Variants in PTP4A3 observed in about 807,000 individuals in gnomAD.
PTP4A3 encodes protein tyrosine phosphatase 4A3.
Under a neutral mutation model 15.2 loss-of-function variants are expected in PTP4A3, and 9 were observed. The ratio of observed to expected loss-of-function variants is 0.59; its 90% CI spans 0.36 to 1.03. The LOEUF (loss-of-function observed/expected upper bound fraction) is 1.03, where lower values mean the gene tolerates loss of function less well. Ranked by LOEUF, PTP4A3 falls within the 50% of genes least tolerant of loss-of-function variation. The probability of loss-of-function intolerance (pLI) is 0.02; values close to 1 mark genes in which losing one functional copy is unlikely to be tolerated. For missense variants in PTP4A3, 234 were observed against 252.1 expected (o/e 0.93, Z 0.49); for synonymous variants, 95 against 102.0 (o/e 0.93, Z 0.41).
At chr8:141,405,709 A>G (rs1832703702) in intron 1 of PTP4A3, among the ~76,000 whole-genome samples, 1 of 149,878 alleles carries the variant, frequency 6.7e-6, no homozygotes, top group African/African-American at 2.5e-5. Flanking sequence ...AGAGGCTGAC[A>G]AGCTTTGCCA....
chr8:141,404,485 T>G (rs1832678583), intron 1 of PTP4A3, among the ~76,000 whole-genome samples: 2 of 152,256 alleles, frequency 1.3e-5, no homozygotes, highest in Admixed American at 1.3e-4. Flanking sequence ...AGCTCCTGAT[T>G]GCTCTGCCAA....
rs556989009 is a variant in PTP4A3, at chr8:141,397,951, C to T, written c.-854+5867C>T. Among the ~76,000 whole-genome samples, 32 of 152,308 alleles carry T rather than the reference C, an allele frequency of 2.1e-4. 1 individual carries two copies. In the East Asian group the frequency reaches 4.4e-3, roughly 21 times the overall value. ...TCGCTGTGTGTGGCTCAGTCCTGGACGGGCCGAGACCTGGATGCAGGACCC... is the reference window on the plus strand; with the variant it reads ...TCGCTGTGTGTGGCTCAGTCCTGGATGGGCCGAGACCTGGATGCAGGACCC... On this transcript the variant is annotated intron_variant, in intron 1 of 5. Coordinates refer to ENST00000521578, the MANE Select transcript of PTP4A3 (RefSeq NM_032611.3).
At chr8:141,427,885 C>A in intron 5 of PTP4A3, 61 bp downstream of exon 5, 4 of 1,458,468 alleles carry the variant, frequency 2.7e-6, no homozygotes, top group Non-Finnish European at 3.7e-6. Flanking sequence ...TCCGGCTGCC[C>A]ACGAAGGGTG....
chr8:141,400,374 T>C (rs951419481), intron 1 of PTP4A3, among the ~76,000 whole-genome samples: 1 of 152,240 alleles, frequency 6.6e-6, no homozygotes, highest in African/African-American at 2.4e-5. Flanking sequence ...TCAAACAGCC[T>C]GGGAAATACA....
At chr8:141,408,544 G>C (rs369917785) in intron 1 of PTP4A3, among the ~76,000 whole-genome samples, 111 of 152,078 alleles carry the variant, frequency 7.3e-4, no homozygotes, top group African/African-American at 2.5e-3. Flanking sequence ...GCTTGAACCC[G>C]GGGGCGGAGG....
chr8:141,419,071 C>A (rs73713630), intron 1 of PTP4A3, among the ~76,000 whole-genome samples: 1,956 of 152,232 alleles, frequency 0.013, 41 homozygotes, highest in African/African-American at 0.045. Context: ...TGGGCTGTGA[C>A]CCCTGAGCGT....
chr8:141,429,097 C>T (rs983098876), intron 5 of PTP4A3, among the ~76,000 whole-genome samples: 1 of 152,258 alleles, frequency 6.6e-6, no homozygotes, highest in Non-Finnish European at 1.5e-5. Context: ...TGAACCCCAA[C>T]GACTCAGAAC....
intron 2 of PTP4A3, among the ~76,000 whole-genome samples, chr8:141,424,413 C>T (rs1833472953): frequency 6.6e-6 from 1 of 152,134 alleles, no homozygotes; most frequent in Admixed American, 6.5e-5. Flanking sequence ...TGGCTGCCAT[C>T]TGAGCGGTGC....
chr8:141,426,849 C>T (rs866828543), intron 3 of PTP4A3, 90 bp from the exon 4 acceptor site: 5 of 1,516,128 alleles, frequency 3.3e-6, no homozygotes, highest in Non-Finnish European at 4.4e-6. Flanking sequence ...CACCCTCTGC[C>T]TCTCAGAGCT....
chr8:141,414,631 G>A (rs548436265), intron 1 of PTP4A3, among the ~76,000 whole-genome samples: 2 of 146,124 alleles, frequency 1.4e-5, no homozygotes, highest in East Asian at 2.2e-4. Context: ...TGGGGGGGGG[G>A]TAGGGACTGT....
intron 1 of PTP4A3, among the ~76,000 whole-genome samples, chr8:141,407,265 C>T (rs188859594): frequency 3.3e-5 from 5 of 152,364 alleles, no homozygotes; most frequent in African/African-American, 1.2e-4. Flanking sequence ...CACACGTGGG[C>T]ACAAAGCTGG....
chr8:141,429,546 A>G (rs1384314302), intron 5 of PTP4A3, among the ~76,000 whole-genome samples: 5 of 151,730 alleles, frequency 3.3e-5, no homozygotes, highest in Non-Finnish European at 7.4e-5. Context: ...TGGCGGGAGC[A>G]GGGTGAGTGT....
intron 1 of PTP4A3, among the ~76,000 whole-genome samples, chr8:141,401,068 G>A (rs974631948): frequency 6.6e-6 from 1 of 152,116 alleles, no homozygotes; most frequent in Admixed American, 6.5e-5. Context: ...CACTCTTAAT[G>A]GCACCGTCGC....
intron 1 of PTP4A3, among the ~76,000 whole-genome samples, chr8:141,410,271 C>T (rs4961377): frequency 0.38 from 58,066 of 152,232 alleles, 13,689 homozygotes; most frequent in African/African-American, 0.65. Context: ...GTGGGGCTGG[C>T]CCAATCTGGA....
chr8:141,408,344 C>T (rs2129913955), intron 1 of PTP4A3, among the ~76,000 whole-genome samples: 1 of 152,360 alleles, frequency 6.6e-6, no homozygotes, highest in Admixed American at 6.5e-5. Context: ...AATGACTGGG[C>T]CTGGTGGCTC....
chr8:141,425,169 C>T lies in PTP4A3; in HGVS notation c.198+29C>T. Reference sequence around the variant, plus strand: ...AGGCGCGCGCCACGGGGACCCTAGTCACTGCTGCCACCGGGGGAGGGTGGG... The same window carrying T: ...AGGCGCGCGCCACGGGGACCCTAGTTACTGCTGCCACCGGGGGAGGGTGGG... On this transcript the variant is annotated intron_variant, in intron 3 of 5. Coordinates refer to ENST00000521578, the MANE Select transcript of PTP4A3 (RefSeq NM_032611.3). The surrounding 1 kb of genome is among the most constrained non-coding windows in gnomAD (Gnocchi z 4.2). 1 of 1,452,866 alleles carries T rather than the reference C, an allele frequency of 6.9e-7. No homozygotes were observed. Among genetic ancestry groups the T allele is most frequent in the Non-Finnish European group, 9.6e-7 (1 of 1,042,966 alleles). 90.0% of individuals were successfully genotyped at this position (1,452,866 alleles called of 1,614,324 possible).
At chr8:141,422,926 G>A (rs1266592775) in intron 2 of PTP4A3, among the ~76,000 whole-genome samples, 1 of 152,226 alleles carries the variant, frequency 6.6e-6, no homozygotes, top group Non-Finnish European at 1.5e-5. Flanking sequence ...AGCTTTCTTG[G>A]GAGTGGAGTC....
In PTP4A3 at chr8:141,422,261, G is replaced by A. The variant is rs200609580; in HGVS notation, c.21G>A (p.Pro7=). The A allele has an allele frequency of 5.7e-5, 92 of 1,612,998 alleles. 1 individual carries two copies. In the East Asian group the frequency reaches 8.7e-4, roughly 15 times the overall value. MARMNR[P]APVEVSYKHM... ...GCGCCATGGCTCGGATGAACCGCCC[G>A]GCCCCGGTGGAGGTGAGCTACAAAC... Residue 7 remains proline, a synonymous_variant, in exon 2 of 6, where the codon CCG becomes CCA. Coordinates refer to ENST00000521578, the MANE Select transcript of PTP4A3 (RefSeq NM_032611.3).
At chr8:141,394,981 G>A (rs1832405239) in intron 1 of PTP4A3, among the ~76,000 whole-genome samples, 1 of 152,250 alleles carries the variant, frequency 6.6e-6, no homozygotes, top group East Asian at 1.9e-4. Context: ...CAGCCTCCCT[G>A]GAGAGAGGGG....
Sources: allele counts gnomAD v4.1 joint callset (sites outside exome capture counted in the v4.1 genomes callset), GRCh38; gene constraint gnomAD v4.1.1; non-coding constraint Gnocchi (gnomAD v3.1); transcripts MANE v1.5; gene names NCBI Gene and HGNC (gene_info 2026-07-23, HGNC 2026-07-21).